Variants in EPB41L3 observed in about 807,000 individuals in gnomAD.
EPB41L3 encodes band 4.1-like protein 3.
A neutral mutation model predicts 127.1 loss-of-function variants in EPB41L3; 57 were observed. That is an observed-to-expected ratio of 0.45 (90% CI 0.36 to 0.56). The LOEUF is 0.56. EPB41L3 is among the 20% of genes least tolerant of loss of function. EPB41L3 has a pLI of 0.00. For synonymous variants in EPB41L3, 572 were observed against 549.5 expected, an observed-to-expected ratio of 1.04 and a Z score of -0.57; for missense variants, 1,273 against 1,372.2, an observed-to-expected ratio of 0.93 and a Z score of 1.14.
chr18:5,605,242 A>G lies in EPB41L3; in HGVS notation c.-306+7098T>C, dbSNP rs1332161002. Among the ~76,000 whole-genome samples the G allele has an allele frequency of 4.6e-5, 7 of 152,040 alleles. No homozygotes were observed. In the South Asian group the frequency reaches 1.5e-3, roughly 32 times the overall value. ...CCCAGCCCTGCTTTCTTCCTTAGTA[A>G]TGAGCTCAATCAACACCTTGGCCAC... is the stretch of plus-strand genomic sequence containing the variant. On this transcript the variant is annotated intron_variant, in intron 3 of 21. Transcript: ENST00000545076.
At chr18:5,503,417 T>C (rs1300588458) in intron 1 of EPB41L3, among the ~76,000 whole-genome samples, 2 of 152,136 alleles carry the variant, frequency 1.3e-5, no homozygotes, top group African/African-American at 4.8e-5. Context: ...GTACAGAATC[T>C]CCACAGCACA....
At chr18:5,441,756 G>T (rs1012033242) in intron 5 of EPB41L3, among the ~76,000 whole-genome samples, 1 of 152,182 alleles carries the variant, frequency 6.6e-6, no homozygotes, top group Non-Finnish European at 1.5e-5. Context: ...GAGCCACCGC[G>T]CCCGGCCTCG....
At chr18:5,531,689 G>A (rs1431601285) in intron 1 of EPB41L3, among the ~76,000 whole-genome samples, 2 of 133,462 alleles carry the variant, frequency 1.5e-5, no homozygotes, top group Admixed American at 8.8e-5. Context: ...AGATCATGCC[G>A]CCACTGCACT....
chr18:5,470,859 C>T lies in EPB41L3; in HGVS notation c.381+7382G>A, dbSNP rs1409985730. 2.6e-5 allele frequency among the ~76,000 whole-genome samples: 4 copies of T among 152,154 alleles called. No homozygotes were observed. The East Asian group carries it at 5.8e-4, about 22-fold the overall frequency. On this transcript the variant is annotated intron_variant, in intron 3 of 22. Coordinates refer to ENST00000341928, the MANE Select transcript of EPB41L3 (RefSeq NM_012307.5). ...CTGGGGTCATGGGGCACCAGATAAA[C>T]CTGTGCAGATGGGAGGCCACTGTAG...
intron 3 of EPB41L3, among the ~76,000 whole-genome samples, chr18:5,566,538 A>G (rs1217220985): frequency 6.6e-6 from 1 of 152,176 alleles, no homozygotes; most frequent in Non-Finnish European, 1.5e-5. Context: ...CATACTGCCC[A>G]AGGTAATTTA....
chr18:5,505,612 T>A (rs1331191647), intron 1 of EPB41L3, among the ~76,000 whole-genome samples: 1 of 127,888 alleles, frequency 7.8e-6, no homozygotes, highest in African/African-American at 3.0e-5. Flanking sequence ...CACCTTCACC[T>A]CCACCTCTAT....
At chr18:5,455,294 GA>G (rs144449478) in intron 3 of EPB41L3, among the ~76,000 whole-genome samples, 15,591 of 146,032 alleles carry the variant, frequency 0.11, 841 homozygotes, top group Non-Finnish European at 0.12. Context: ...TTACTCTTAC[GA>G]AAAAAAAAAA....
intron 3 of EPB41L3, among the ~76,000 whole-genome samples, chr18:5,594,010 T>C (rs945855882): frequency 2.9e-4 from 44 of 152,202 alleles, no homozygotes; most frequent in African/African-American, 1.1e-3. Context: ...TTTGTGCAGT[T>C]AACGCAATTA....
chr18:5,586,686 G>C (rs1453398751), intron 3 of EPB41L3, among the ~76,000 whole-genome samples: 1 of 151,468 alleles, frequency 6.6e-6, no homozygotes. Context: ...ACAGGCATGA[G>C]CTACAGTGCC....
intron 3 of EPB41L3, among the ~76,000 whole-genome samples, chr18:5,588,618 T>C (rs2094460146): frequency 6.6e-6 from 1 of 151,954 alleles, no homozygotes; most frequent in African/African-American, 2.4e-5. Context: ...AAATTATTAG[T>C]CCCATGTTCA....
At chr18:5,422,739 T>C (rs1568095993) in intron 11 of EPB41L3, among the ~76,000 whole-genome samples, 1 of 152,198 alleles carries the variant, frequency 6.6e-6, no homozygotes, top group Non-Finnish European at 1.5e-5. Context: ...CACTGTTGTG[T>C]TATCCCCTAA....
At chr18:5,561,171 G>A (rs980051575) in intron 3 of EPB41L3, among the ~76,000 whole-genome samples, 58 of 151,738 alleles carry the variant, frequency 3.8e-4, no homozygotes, top group Non-Finnish European at 5.0e-4. Flanking sequence ...TAGAGACGGG[G>A]TTTCACCGTA....
At chr18:5,403,160 T>A (rs981461462) in intron 16 of EPB41L3, among the ~76,000 whole-genome samples, 4 of 152,220 alleles carry the variant, frequency 2.6e-5, no homozygotes, top group South Asian at 2.1e-4. Context: ...GGACAGAGGA[T>A]GTACCTGGCA....
chr18:5,468,043 A>G (rs982818425), intron 3 of EPB41L3, among the ~76,000 whole-genome samples: 13 of 152,094 alleles, frequency 8.5e-5, no homozygotes, highest in Admixed American at 6.5e-4. Flanking sequence ...CCAATTTCAG[A>G]GCAAAGTTGT....
chr18:5,508,440 C>T lies in EPB41L3; in HGVS notation c.-11-19246G>A, dbSNP rs189333416. ...TATTTTCCAAACACATTTACTCATT[C>T]CTTATCACCATGTATCTGCTTCTTA... is the stretch of plus-strand genomic sequence containing the variant. On this transcript the variant is annotated intron_variant, in intron 1 of 22. Transcript: ENST00000341928. 2.3e-3 allele frequency among the ~76,000 whole-genome samples: 350 copies of T among 152,206 alleles called. 1 individual carries two copies. Among genetic ancestry groups the T allele is most frequent in the Admixed American group, 3.1e-3 (47 of 15,288 alleles).
At chr18:5,615,034 T>C (rs575509321) in intron 1 of EPB41L3, among the ~76,000 whole-genome samples, 23 of 152,300 alleles carry the variant, frequency 1.5e-4, no homozygotes, top group Admixed American at 1.4e-3. Flanking sequence ...CATAGCTAAC[T>C]GAGTGGACAG....
intron 3 of EPB41L3, among the ~76,000 whole-genome samples, chr18:5,474,877 C>T (rs573363953): frequency 1.3e-5 from 2 of 152,298 alleles, no homozygotes; most frequent in East Asian, 1.9e-4. Flanking sequence ...ATTGCACCTA[C>T]AGTTTCTACG....
chr18:5,514,809 C>A (rs1800621346), intron 1 of EPB41L3, among the ~76,000 whole-genome samples: 2 of 152,184 alleles, frequency 1.3e-5, no homozygotes, highest in African/African-American at 2.4e-5. Flanking sequence ...TTCCTTGGCC[C>A]TAGAATCCAT....
chr18:5,529,050 A>G (rs566579548), intron 1 of EPB41L3: 1 of 152,360 alleles, frequency 6.6e-6, no homozygotes, highest in South Asian at 2.1e-4. Context: ...GAGAAGAAAG[A>G]GAGCATATTA....
Sources: allele counts gnomAD v4.1 joint callset (sites outside exome capture counted in the v4.1 genomes callset), GRCh38; gene constraint gnomAD v4.1.1; transcripts MANE v1.5; gene names NCBI Gene and HGNC (gene_info 2026-07-23, HGNC 2026-07-21).